Variants in RAB38 observed in about 807,000 individuals in gnomAD.
The protein encoded by RAB38 is RAB38, member RAS oncogene family.
In RAB38, 15 loss-of-function variants were observed where a neutral mutation model predicts 18.4. That is an observed-to-expected ratio of 0.82 (90% CI 0.55 to 1.26). The LOEUF (loss-of-function observed/expected upper bound fraction) is 1.26, where lower values mean the gene tolerates loss of function less well. Ranked by LOEUF, RAB38 falls within the 50% of genes most tolerant of loss-of-function variation. The pLI is 0.00. For missense variants in RAB38, 294 were observed against 267.4 expected, an observed-to-expected ratio of 1.10 and a Z score of -0.69; for synonymous variants, 101 against 104.4, an observed-to-expected ratio of 0.97 and a Z score of 0.20.
chr11:88,065,706 C>T, the RAB38 span, among the ~76,000 whole-genome samples: 1 of 152,150 alleles, frequency 6.6e-6, no homozygotes, highest in African/African-American at 2.4e-5. Flanking sequence ...ATATTGAAGT[C>T]CTCATAGGGT....
the RAB38 span, among the ~76,000 whole-genome samples, chr11:87,928,667 A>G: frequency 6.6e-6 from 1 of 152,102 alleles, no homozygotes; most frequent in East Asian, 1.9e-4. Context: ...AATGAGAAGG[A>G]TGAATTTTAG....
chr11:87,864,459 T>C, the RAB38 span, among the ~76,000 whole-genome samples: 54 of 151,704 alleles, frequency 3.6e-4, no homozygotes, highest in Non-Finnish European at 5.9e-4. Flanking sequence ...TTTACATACA[T>C]CATTTAATTT....
chr11:88,037,566 C>G, the RAB38 span, among the ~76,000 whole-genome samples: 1 of 152,118 alleles, frequency 6.6e-6, no homozygotes, highest in African/African-American at 2.4e-5. Flanking sequence ...CTTTTAGGCA[C>G]ATTTGTAATA....
chr11:87,837,970 G>C, the RAB38 span, among the ~76,000 whole-genome samples: 1 of 152,086 alleles, frequency 6.6e-6, no homozygotes, highest in Non-Finnish European at 1.5e-5. Flanking sequence ...CTGCTCTTAA[G>C]CAATCAGAGT....
At chr11:88,094,608 T>C in the RAB38 span, among the ~76,000 whole-genome samples, 1 of 151,862 alleles carries the variant, frequency 6.6e-6, no homozygotes, top group Non-Finnish European at 1.5e-5. Flanking sequence ...TTTACATGTG[T>C]CCTCATATCC....
the RAB38 span, among the ~76,000 whole-genome samples, chr11:87,858,591 A>G: frequency 6.6e-6 from 1 of 152,132 alleles, no homozygotes; most frequent in Non-Finnish European, 1.5e-5. Context: ...AAATTTATTC[A>G]AGACCCTAAA....
At chr11:88,128,196 T>G (rs191364739) in intron 2 of RAB38, among the ~76,000 whole-genome samples, 119 of 152,312 alleles carry the variant, frequency 7.8e-4, no homozygotes, top group East Asian at 6.8e-3. Flanking sequence ...ATGAGCAGAT[T>G]AAGTCCTCTT....
chr11:88,168,905 AG>A (rs1236101422), intron 1 of RAB38, among the ~76,000 whole-genome samples: 1 of 152,138 alleles, frequency 6.6e-6, no homozygotes. Flanking sequence ...TCTAATTATC[AG>A]CCCCCCTAAT....
chr11:87,842,381 A>C, the RAB38 span, among the ~76,000 whole-genome samples: 22 of 152,168 alleles, frequency 1.4e-4, no homozygotes, highest in Admixed American at 1.3e-3. Context: ...TCAGGAGACA[A>C]GTTGAAATTC....
chr11:87,888,058 A>T, the RAB38 span, among the ~76,000 whole-genome samples: 5,352 of 151,758 alleles, frequency 0.035, 311 homozygotes, highest in African/African-American at 0.12. Flanking sequence ...TGTATATTTT[A>T]GTGGTGGTGC....
At chr11:88,030,967 C>T in the RAB38 span, among the ~76,000 whole-genome samples, 2 of 150,828 alleles carry the variant, frequency 1.3e-5, no homozygotes, top group Non-Finnish European at 3.0e-5. Context: ...AACATTGATG[C>T]AAAAATCCTC....
intron 1 of RAB38, among the ~76,000 whole-genome samples, chr11:88,169,211 G>A (rs948394696): frequency 1.3e-5 from 2 of 152,130 alleles, no homozygotes; most frequent in African/African-American, 4.8e-5. Context: ...AGTAACTGGG[G>A]GTAAGGTATT....
chr11:87,922,283 C>G, the RAB38 span, among the ~76,000 whole-genome samples: 180 of 151,994 alleles, frequency 1.2e-3, no homozygotes, highest in Non-Finnish European at 2.1e-3. Context: ...AATGCACACC[C>G]TCTAACGAGG....
At chr11:88,099,175 A>T in the RAB38 span, among the ~76,000 whole-genome samples, 1 of 152,066 alleles carries the variant, frequency 6.6e-6, no homozygotes, top group African/African-American at 2.4e-5. Flanking sequence ...ACGTAATTGA[A>T]ATAGAATGAG....
chr11:87,961,863 AT>A, the RAB38 span, among the ~76,000 whole-genome samples: 3 of 152,062 alleles, frequency 2.0e-5, no homozygotes, highest in Non-Finnish European at 4.4e-5. Flanking sequence ...TTATGCCTTG[AT>A]TTTTTTCCAA....
the RAB38 span, among the ~76,000 whole-genome samples, chr11:87,950,363 T>G: frequency 6.6e-6 from 1 of 152,228 alleles, no homozygotes; most frequent in South Asian, 2.1e-4. Flanking sequence ...TGTCTTTTAA[T>G]TGGAGCATTT....
the RAB38 span, among the ~76,000 whole-genome samples, chr11:88,092,037 G>A: frequency 1.3e-5 from 2 of 151,820 alleles, no homozygotes; most frequent in Non-Finnish European, 2.9e-5. Flanking sequence ...TCATTGTCAT[G>A]ACATTTGTAA....
At chr11:87,821,223 C>G in the RAB38 span, among the ~76,000 whole-genome samples, 1 of 152,060 alleles carries the variant, frequency 6.6e-6, no homozygotes, top group Non-Finnish European at 1.5e-5. Flanking sequence ...TAAAAGCAGG[C>G]AGGCAGAAAT....
chr11:88,151,777 A>C (rs1011500412), intron 1 of RAB38, among the ~76,000 whole-genome samples: 3 of 152,230 alleles, frequency 2.0e-5, no homozygotes, highest in South Asian at 2.1e-4. Context: ...AGTAGCATTG[A>C]AACTGTAAGA....
Sources: allele counts gnomAD v4.1 joint callset (sites outside exome capture counted in the v4.1 genomes callset), GRCh38; gene constraint gnomAD v4.1.1; transcripts MANE v1.5; gene names NCBI Gene and HGNC (gene_info 2026-07-23, HGNC 2026-07-21).